UBL7: variants seen among roughly 807,000 people sequenced by gnomAD.
UBL7 encodes ubiquitin-like protein 7.
Under a neutral mutation model 41.7 loss-of-function variants are expected in UBL7, and 21 were observed. That is an observed-to-expected ratio of 0.50 (90% CI 0.36 to 0.73). UBL7 has a LOEUF of 0.73. Among genes scored for constraint, UBL7 ranks in the 30% least tolerant of loss-of-function variants. UBL7 has a pLI of 0.00. For missense variants in UBL7, 403 were observed against 478.4 expected, an observed-to-expected ratio of 0.84 and a Z score of 1.47; for synonymous variants, 157 against 186.9, an observed-to-expected ratio of 0.84 and a Z score of 1.31.
intron 2 of UBL7, among the ~76,000 whole-genome samples, chr15:74,457,624 T>C (rs11852291): frequency 0.27 from 40,084 of 146,714 alleles, 7,350 homozygotes; most frequent in East Asian, 0.55. Context: ...GTAATCCCAG[T>C]TATTCAGGAG....
At chr15:74,453,037 T>G (rs1436295714) in intron 3 of UBL7, among the ~76,000 whole-genome samples, 2 of 152,162 alleles carry the variant, frequency 1.3e-5, no homozygotes, top group African/African-American at 4.8e-5. Flanking sequence ...TAAAGTATGG[T>G]TATCCTCACG....
intron 3 of UBL7, among the ~76,000 whole-genome samples, chr15:74,452,863 C>T (rs567961511): frequency 6.6e-6 from 1 of 152,266 alleles, no homozygotes; most frequent in East Asian, 1.9e-4. Context: ...AGGTGTGCAA[C>T]ACCACTCCTG....
Position 74,458,740 on chromosome 15 carries a change from A to G in UBL7, c.128T>C (p.Leu43Pro). The change falls in exon 2 of 11, where the codon CTG becomes CCG. Residue 43 changes from leucine to proline, a missense_variant. By Grantham distance (98) the Leu-to-Pro change is moderately conservative. Transcript: ENST00000395081. ...GAGTTTGCCAGCAATAAGCTGCTTC[A>G]GAAATGAAATACTATAGCCCCCTAG... ...YSLGGYSISF[L>P]KQLIAGKLQE... 6.2e-7 allele frequency: 1 copy of G among 1,614,142 alleles called. No homozygotes were observed. Among genetic ancestry groups the G allele is most frequent in the Non-Finnish European group, 8.5e-7 (1 of 1,180,048 alleles).
chr15:74,451,440 A>T lies in UBL7; in HGVS notation c.468T>A (p.Ala156=). The T allele has an allele frequency of 6.2e-7, 1 of 1,613,816 alleles. No individual in the cohort carries two copies. The highest frequency in any genetic ancestry group is 1.1e-5 in the South Asian group (1 of 91,068). ...ATPGLSSDPI[A]LGVLQDKDLF... The stretch of plus-strand genomic sequence containing the variant: ...CAAATTCAGTCCTGCACTTACCAAG[A>T]GCAATAGGGTCACTGCTGAGGCCTG... Residue 156 remains alanine (A), a synonymous_variant, in exon 5 of 11, where the codon GCT becomes GCA. Transcript: ENST00000395081.
intron 2 of UBL7, among the ~76,000 whole-genome samples, chr15:74,457,377 T>C (rs1293435539): frequency 1.3e-5 from 2 of 151,998 alleles, no homozygotes; most frequent in Non-Finnish European, 2.9e-5. Context: ...ACCTCGTCTC[T>C]ACCAAAAATA....
chr15:74,458,945 C>A, intron 1 of UBL7, 49 bp from the exon 2 acceptor site: 9 of 1,551,114 alleles, frequency 5.8e-6, no homozygotes, highest in Non-Finnish European at 7.9e-6. Flanking sequence ...CACCACTCTA[C>A]TCCACCCCCA....
In UBL7 at chr15:74,446,738, C is replaced by G. The variant is rs190206886; in HGVS notation, c.1006-511G>C. 4.5e-4 allele frequency among the ~76,000 whole-genome samples: 68 copies of G among 152,192 alleles called. No homozygotes were observed. The highest frequency in any genetic ancestry group is 3.4e-3 in the Middle Eastern group (1 of 294). On this transcript the variant is annotated intron_variant, in intron 10 of 10. Transcript: ENST00000395081. This position sits in a 1 kb window ranked among gnomAD's most constrained non-coding sequence, Gnocchi z 4.1. ...ACTGTAAGAGATGTTTTAAATTTTT[C>G]GCTTTTACAAACCCAAAATGCATAA...
chr15:74,457,231 A>G (rs2061303469), intron 2 of UBL7, among the ~76,000 whole-genome samples: 1 of 152,138 alleles, frequency 6.6e-6, no homozygotes, highest in South Asian at 2.1e-4. Context: ...CCTGGCCGAC[A>G]TGGCGAAACC....
chr15:74,454,798 G>C (rs964301547), intron 3 of UBL7, among the ~76,000 whole-genome samples: 2 of 152,204 alleles, frequency 1.3e-5, no homozygotes, highest in Non-Finnish European at 2.9e-5. Flanking sequence ...CAGGCAGTGG[G>C]AGTGATTTTA....
intron 10 of UBL7, 60 bp downstream of exon 10, chr15:74,448,418 G>A: frequency 6.2e-7 from 1 of 1,606,338 alleles, no homozygotes; most frequent in Non-Finnish European, 8.5e-7. Context: ...GCAAAACAAA[G>A]GCTGGGCATC....
In UBL7 at chr15:74,456,593, T is replaced by TG. The variant is rs2061297094; in HGVS notation, c.262dup (p.His88ProfsTer9). On this transcript the variant is annotated frameshift_variant, in exon 3 of 11. Coordinates refer to ENST00000395081, the MANE Select transcript of UBL7 (RefSeq NM_032907.5). LOFTEE classifies it high-confidence loss of function. The stretch of plus-strand genomic sequence containing the variant: ...TTCAGGCCAGGACTTTCGCAGAACA[T>TG]GGACAGTGGACCCAGGTTGAATGCC... 1 of 1,614,168 alleles carries TG rather than the reference T, an allele frequency of 6.2e-7. No homozygotes were observed. The highest frequency in any genetic ancestry group is 8.5e-7 in the Non-Finnish European group (1 of 1,180,020).
In UBL7 at chr15:74,446,379, G is replaced by A; in HGVS notation, c.1006-152C>T. The A allele has an allele frequency of 1.0e-6, 1 of 978,198 alleles. No homozygotes were observed. The highest frequency in any genetic ancestry group is 1.8e-5 in the South Asian group (1 of 56,344). 60.6% of individuals were successfully genotyped at this position (978,198 alleles called of 1,614,324 possible). ...CCACAGAACACGGTGCTTCTAGGAA[G>A]ACTAAAAGATAGGCTTGAGGGTTAA... On this transcript the variant is annotated intron_variant, in intron 10 of 10. Coordinates refer to ENST00000395081, the MANE Select transcript of UBL7 (RefSeq NM_032907.5). This position sits in a 1 kb window ranked among gnomAD's most constrained non-coding sequence, Gnocchi z 4.1.
At chr15:74,458,261 G>C (rs1400414059) in intron 2 of UBL7, among the ~76,000 whole-genome samples, 2 of 151,828 alleles carry the variant, frequency 1.3e-5, no homozygotes, top group Admixed American at 1.3e-4. Flanking sequence ...GAAATCCCAT[G>C]TCTCTACTAA....
chr15:74,458,126 T>C (rs530957486), intron 2 of UBL7, among the ~76,000 whole-genome samples: 2 of 152,232 alleles, frequency 1.3e-5, no homozygotes, highest in East Asian at 3.9e-4. Context: ...TTCTGTTCTT[T>C]CAGAAAAAGA....
chr15:74,460,961 G>A (rs1205355789), intron 1 of UBL7, 76 bp downstream of exon 1: 2 of 1,135,064 alleles, frequency 1.8e-6, no homozygotes, highest in African/African-American at 1.6e-5. Context: ...AGGGAAGCAA[G>A]ACTCAGTAAA....
At position 74,458,761 on chromosome 15, in the gene UBL7, C is replaced by T; in HGVS notation, c.107G>A (p.Gly36Glu). 6.2e-7 allele frequency: 1 copy of T among 1,614,034 alleles called. No individual in the cohort carries two copies. Among genetic ancestry groups the T allele is most frequent in the East Asian group, 2.2e-5 (1 of 44,886 alleles). ...CTTCAGAAATGAAATACTATAGCCC[C>T]CTAGCGAGTATTCTCCCAGTTCTGT... The part of the protein sequence containing the change: ...PETELGEYSL[G>E]GYSISFLKQL... The change falls in exon 2 of 11, where the codon GGG becomes GAG. Residue 36 changes from glycine (G) to glutamate (E), a missense_variant. Gly to Glu is a moderately conservative substitution (Grantham distance 98, BLOSUM62 -2). Coordinates refer to ENST00000395081, the MANE Select transcript of UBL7 (RefSeq NM_032907.5).
At chr15:74,453,410 G>T (rs1406018485) in intron 3 of UBL7, among the ~76,000 whole-genome samples, 1 of 152,134 alleles carries the variant, frequency 6.6e-6, no homozygotes, top group Non-Finnish European at 1.5e-5. Flanking sequence ...ATCCCAGCTA[G>T]GGTACCAGGA....
rs752076223 is a variant in UBL7 at position 74,446,094 on chromosome 15, G to T, written c.1139C>A (p.Pro380Gln). Reference sequence around the variant, plus strand: ...GGTTCAGGGGAAGCAGGGAGTTCATGGGGCTCCTCCAGCAAAGATGAGCTC... The same window carrying T: ...GGTTCAGGGGAAGCAGGGAGTTCATTGGGCTCCTCCAGCAAAGATGAGCTC... ...ALELIFAGGA[P>Q] is the part of the protein sequence containing the mutation. The change falls in exon 11 of 11, where the codon CCA (proline) becomes CAA (glutamine). Residue 380 changes from proline to glutamine, a missense_variant. Transcript: ENST00000395081. The surrounding 1 kb of genome is among the most constrained non-coding windows in gnomAD (Gnocchi z 4.1). 6.2e-7 allele frequency: 1 copy of T among 1,613,870 alleles called. No homozygotes were observed. Among genetic ancestry groups the T allele is most frequent in the Non-Finnish European group, 8.5e-7 (1 of 1,179,932 alleles).
chr15:74,446,683 G>T lies in UBL7; in HGVS notation c.1006-456C>A, dbSNP rs142018613. ...CTTTTTTTAAATGTCTTAAATTTTT[G>T]TGGTATATAGTAGGTATATCTATTT... On this transcript the variant is annotated intron_variant, in intron 10 of 10. Transcript: ENST00000395081. The surrounding 1 kb of genome is among the most constrained non-coding windows in gnomAD (Gnocchi z 4.1). Among the ~76,000 whole-genome samples the T allele has an allele frequency of 1.4e-4, 21 of 152,062 alleles. No individual in the cohort carries two copies. The highest frequency in any genetic ancestry group is 7.2e-4 in the Admixed American group (11 of 15,272).
Sources: gnomAD v4.1 joint callset for allele counts (sites outside exome capture counted in the v4.1 genomes callset) on GRCh38, gnomAD v4.1.1 for gene constraint, Gnocchi (gnomAD v3.1) non-coding constraint, MANE v1.5 for transcripts, NCBI Gene and HGNC (gene_info 2026-07-23, HGNC 2026-07-21) for gene names.